Variants in EYS observed in about 807,000 individuals in gnomAD.
The protein encoded by EYS is EGF-like photoreceptor maintenance factor, also known as protein eyes shut homolog.
In EYS, 250 loss-of-function variants were observed where a neutral mutation model predicts 282.1. That is an observed-to-expected ratio of 0.89 (90% CI 0.80 to 0.98). EYS has a LOEUF of 0.98. Among genes scored for constraint, EYS ranks in the 50% least tolerant of loss-of-function variants. The pLI is 0.00. For synonymous variants in EYS, 1,355 were observed against 1,282.9 expected, an observed-to-expected ratio of 1.06 and a Z score of -1.20; for missense variants, 4,016 against 3,709.0, an observed-to-expected ratio of 1.08 and a Z score of -2.15.
intron 30 of EYS, among the ~76,000 whole-genome samples, chr6:64,236,844 C>T (rs962604464): frequency 2.0e-5 from 3 of 150,176 alleles, no homozygotes; most frequent in Non-Finnish European, 4.4e-5. Flanking sequence ...CACAATGTGC[C>T]GGGATAGATA....
At chr6:64,240,942 T>C (rs1582472364) in intron 30 of EYS, among the ~76,000 whole-genome samples, 1 of 152,326 alleles carries the variant, frequency 6.6e-6, no homozygotes, top group South Asian at 2.1e-4. Context: ...GCCTAGTTTA[T>C]TGAGAGTTTT....
At chr6:64,299,081 C>CCTAAGG (rs1769137658) in intron 30 of EYS, among the ~76,000 whole-genome samples, 1 of 152,068 alleles carries the variant, frequency 6.6e-6, no homozygotes. Context: ...TTTGCAAAAG[C>CCTAAGG]CTAAGGATAG....
chr6:64,107,244 GAT>G lies in EYS; in HGVS notation c.6425-25244_6425-25243del, dbSNP rs142675391. ...CTCTAGAGGAACAGAACTAGTAGGA[GAT>G]ATATATATATATATGTGTGTGTGTG... On this transcript the variant is annotated intron_variant, in intron 31 of 42. Transcript: ENST00000503581. Among the ~76,000 whole-genome samples the G allele has an allele frequency of 4.8e-3, 594 of 124,356 alleles. 2 individuals are homozygous for G. Among genetic ancestry groups the G allele is most frequent in the East Asian group, 0.026 (109 of 4,226 alleles). The allele number at this position is 124,356 out of a possible 152,430, so 81.6% of individuals were successfully genotyped here. A position where few individuals can be genotyped will look rare whatever the true frequency, so the allele number is the denominator to read the frequency against.
intron 31 of EYS, among the ~76,000 whole-genome samples, chr6:64,083,458 G>A (rs1012381960): frequency 1.3e-5 from 2 of 152,052 alleles, no homozygotes; most frequent in African/African-American, 4.8e-5. Context: ...GAAGTAACCT[G>A]GTTTCTGTTC....
Position 65,442,873 on chromosome 6 carries a change from T to C in EYS, c.863-37506A>G, listed in dbSNP as rs372306059. On this transcript the variant is annotated intron_variant, in intron 5 of 42. Coordinates refer to ENST00000503581, the MANE Select transcript of EYS (RefSeq NM_001142800.2). ...ATACATATGTACATATATACATACA[T>C]ATACACATACATATGTACATATATG... Among the ~76,000 whole-genome samples the C allele has an allele frequency of 8.7e-5, 9 of 103,532 alleles. 2 individuals carry two copies. Among genetic ancestry groups the C allele is most frequent in the South Asian group, 5.9e-4 (2 of 3,406 alleles). The allele number at this position is 103,532 out of a possible 152,430, so 67.9% of individuals were successfully genotyped here. A position where few individuals can be genotyped will look rare whatever the true frequency, so the allele number is the denominator to read the frequency against.
At chr6:63,801,185 C>T (rs911973400) in intron 37 of EYS, among the ~76,000 whole-genome samples, 1 of 152,012 alleles carries the variant, frequency 6.6e-6, no homozygotes, top group Non-Finnish European at 1.5e-5. Flanking sequence ...GGAAGAAGGA[C>T]ATGACTGAGC....
At chr6:64,739,003 C>T (rs527653594) in intron 22 of EYS, among the ~76,000 whole-genome samples, 32 of 152,350 alleles carry the variant, frequency 2.1e-4, no homozygotes, top group African/African-American at 7.7e-4. Context: ...CCGCTTCAGT[C>T]TCCCAAAGTG....
At chr6:65,321,146 CTT>C (rs67687880) in intron 11 of EYS, among the ~76,000 whole-genome samples, 208 of 133,410 alleles carry the variant, frequency 1.6e-3, no homozygotes, top group African/African-American at 2.5e-3. Context: ...GTATGAAAGC[CTT>C]TTTTTTTTTT....
At chr6:65,619,723 G>A (rs1192804857) in intron 2 of EYS, among the ~76,000 whole-genome samples, 27 of 151,072 alleles carry the variant, frequency 1.8e-4, no homozygotes, top group African/African-American at 4.6e-4. Flanking sequence ...TTTGAGATAC[G>A]TCCCATCAAT....
At chr6:65,494,325 C>T (rs753337250) in intron 4 of EYS, among the ~76,000 whole-genome samples, 4 of 151,492 alleles carry the variant, frequency 2.6e-5, no homozygotes, top group African/African-American at 7.3e-5. Context: ...TTGCCCAGGC[C>T]GGACTGCAGT....
At chr6:64,658,282 C>A (rs1472650290) in intron 22 of EYS, among the ~76,000 whole-genome samples, 1 of 148,998 alleles carries the variant, frequency 6.7e-6, no homozygotes, top group Non-Finnish European at 1.5e-5. Flanking sequence ...TTTTTAACTT[C>A]TTTGCCATGG....
At chr6:64,307,923 T>A (rs1372297579) in intron 29 of EYS, among the ~76,000 whole-genome samples, 1 of 152,074 alleles carries the variant, frequency 6.6e-6, no homozygotes, top group African/African-American at 2.4e-5. Context: ...AAGTTACTCA[T>A]GCCTATATAT....
intron 13 of EYS, among the ~76,000 whole-genome samples, chr6:65,019,362 A>G (rs1772169060): frequency 1.3e-5 from 2 of 152,134 alleles, no homozygotes; most frequent in South Asian, 4.1e-4. Flanking sequence ...TATCTATTTT[A>G]TAAAAATTCA....
At chr6:65,136,755 A>T (rs960881479) in intron 12 of EYS, among the ~76,000 whole-genome samples, 48 of 152,062 alleles carry the variant, frequency 3.2e-4, no homozygotes, top group African/African-American at 8.9e-4. Context: ...GCATGGTCTC[A>T]GCTTACTGCA....
chr6:64,245,943 C>A (rs965867971), intron 30 of EYS, among the ~76,000 whole-genome samples: 13 of 141,384 alleles, frequency 9.2e-5, no homozygotes, highest in Non-Finnish European at 1.8e-4. Context: ...GGCGTGAACC[C>A]GGGAGGCGGA....
intron 26 of EYS, among the ~76,000 whole-genome samples, chr6:64,529,859 A>G (rs1218247557): frequency 6.6e-6 from 1 of 152,108 alleles, no homozygotes; most frequent in Non-Finnish European, 1.5e-5. Flanking sequence ...TATGAAATGA[A>G]GATGGAGAAA....
In EYS at chr6:64,553,556, C is replaced by CG. The variant is rs1554177885; in HGVS notation, c.5644+36666_5644+36667insC. ...GTGACTTTTGTTTGACCCCCCCCCC[C>CG]CCATAGGCAGTTACAAGGCAAATGT... On this transcript the variant is annotated intron_variant, in intron 26 of 42. Coordinates refer to ENST00000503581, the MANE Select transcript of EYS (RefSeq NM_001142800.2). Among the ~76,000 whole-genome samples the CG allele has an allele frequency of 3.1e-4, 43 of 137,376 alleles. 3 individuals carry two copies. The highest frequency in any genetic ancestry group is 9.6e-4 in the African/African-American group (36 of 37,416). 90.1% of individuals were successfully genotyped at this position (137,376 alleles called of 152,430 possible). A position where few individuals can be genotyped will look rare whatever the true frequency, so the allele number is the denominator to read the frequency against.
chr6:64,691,543 G>A (rs1770382654), intron 22 of EYS, among the ~76,000 whole-genome samples: 1 of 152,102 alleles, frequency 6.6e-6, no homozygotes, highest in African/African-American at 2.4e-5. Flanking sequence ...GCAGTTACAT[G>A]TGCAGATTTG....
chr6:65,499,016 G>A (rs1156681355), intron 2 of EYS, among the ~76,000 whole-genome samples: 3 of 151,924 alleles, frequency 2.0e-5, no homozygotes, highest in Non-Finnish European at 2.9e-5. Context: ...GCCATTGACA[G>A]CATTTCACAT....
Sources: gnomAD v4.1 joint callset for allele counts (sites outside exome capture counted in the v4.1 genomes callset) on GRCh38, gnomAD v4.1.1 for gene constraint, MANE v1.5 for transcripts, NCBI Gene and HGNC (gene_info 2026-07-23, HGNC 2026-07-21) for gene names.